MYO3B: variants seen among roughly 807,000 people sequenced by gnomAD.
MYO3B encodes the protein myosin IIIB, also known as myosin-IIIb.
Under a neutral mutation model 174.6 loss-of-function variants are expected in MYO3B, and 156 were observed. The ratio of observed to expected loss-of-function variants is 0.89; its 90% confidence interval spans 0.78 to 1.02. The LOEUF is 1.02. Among genes scored for constraint, MYO3B ranks in the 50% least tolerant of loss-of-function variants. The pLI is 0.00. For missense variants in MYO3B, 1,632 were observed against 1,639.4 expected (o/e 1.00, Z 0.08); for synonymous variants, 563 against 569.1 (o/e 0.99, Z 0.15).
At chr2:170,648,917 AAT>A (rs1293902229) in intron 32 of MYO3B, among the ~76,000 whole-genome samples, 2 of 103,576 alleles carry the variant, frequency 1.9e-5, no homozygotes, top group Non-Finnish European at 3.4e-5. Context: ...AAATATATAT[AAT>A]ATATATAAAA....
At chr2:170,284,881 C>A (rs2093542446) in intron 7 of MYO3B, among the ~76,000 whole-genome samples, 1 of 152,250 alleles carries the variant, frequency 6.6e-6, no homozygotes, top group East Asian at 1.9e-4. Context: ...TTTTAAAAAA[C>A]TTTCATTGCA....
intron 7 of MYO3B, among the ~76,000 whole-genome samples, chr2:170,305,815 T>C (rs1268863422): frequency 6.6e-6 from 1 of 152,168 alleles, no homozygotes; most frequent in Non-Finnish European, 1.5e-5. Context: ...CTCAAACTCC[T>C]GGGCTCAAGT....
At chr2:170,441,231 T>C (rs1448131651) in intron 22 of MYO3B, among the ~76,000 whole-genome samples, 2 of 152,258 alleles carry the variant, frequency 1.3e-5, no homozygotes. Flanking sequence ...ATTTTACTTC[T>C]TCCTTTCTGA....
At chr2:170,627,898 C>T (rs1013984358) in intron 32 of MYO3B, among the ~76,000 whole-genome samples, 2 of 152,052 alleles carry the variant, frequency 1.3e-5, no homozygotes, top group South Asian at 2.1e-4. Flanking sequence ...GCTGTCTGAT[C>T]GTTTTTCTGG....
At chr2:170,478,213 G>T (rs11898386) in intron 25 of MYO3B, among the ~76,000 whole-genome samples, 13,270 of 152,084 alleles carry the variant, frequency 0.087, 970 homozygotes, top group South Asian at 0.19. Context: ...GGGGCACATT[G>T]TCACCCAGTA....
chr2:170,491,314 T>C (rs1389969346), intron 25 of MYO3B, among the ~76,000 whole-genome samples: 1 of 152,216 alleles, frequency 6.6e-6, no homozygotes, highest in Non-Finnish European at 1.5e-5. Context: ...AATTTAGAAG[T>C]CTCTTCATAA....
chr2:170,644,245 G>T (rs1484919498), intron 32 of MYO3B, among the ~76,000 whole-genome samples: 1 of 151,126 alleles, frequency 6.6e-6, no homozygotes, highest in African/African-American at 2.4e-5. Context: ...AAGAATTATT[G>T]GTTGTTTATC....
intron 32 of MYO3B, among the ~76,000 whole-genome samples, chr2:170,614,653 C>T (rs1695331264): frequency 6.6e-6 from 1 of 152,176 alleles, no homozygotes; most frequent in Admixed American, 6.5e-5. Flanking sequence ...ACTGAGATCC[C>T]ATATTTCTGA....
At chr2:170,501,707 G>A (rs1475030164) in intron 27 of MYO3B, 78 bp from the exon 28 acceptor site, 7 of 949,100 alleles carry the variant, frequency 7.4e-6, no homozygotes, top group South Asian at 1.4e-5. Context: ...ATAGGCTGGA[G>A]GGGAAAACAG....
intron 32 of MYO3B, among the ~76,000 whole-genome samples, chr2:170,613,472 A>G (rs1472380131): frequency 6.6e-6 from 1 of 152,228 alleles, no homozygotes; most frequent in Non-Finnish European, 1.5e-5. Context: ...CACTACTGCT[A>G]AAAAGCATAT....
At chr2:170,410,523 G>A (rs1183189061) in intron 22 of MYO3B, among the ~76,000 whole-genome samples, 5 of 151,266 alleles carry the variant, frequency 3.3e-5, no homozygotes, top group African/African-American at 1.2e-4. Flanking sequence ...GGAGGTTGCG[G>A]TGAGCCAAGA....
At position 170,343,030 on chromosome 2, in the gene MYO3B, A is replaced by AACACAC. The variant is rs56221872; in HGVS notation, c.815+7623_815+7628dup. 7.6e-3 allele frequency among the ~76,000 whole-genome samples: 1,029 copies of AACACAC among 135,984 alleles called. 10 individuals are homozygous for AACACAC. Among genetic ancestry groups the AACACAC allele is most frequent in the African/African-American group, 0.011 (402 of 35,792 alleles). The allele number at this position is 135,984 out of a possible 152,430, so 89.2% of individuals were successfully genotyped here. A position where few individuals can be genotyped will look rare whatever the true frequency, so the allele number is the denominator to read the frequency against. On this transcript the variant is annotated intron_variant, in intron 8 of 34. Transcript: ENST00000408978. Reference sequence around the variant, plus strand: ...ACTTACTTCCACAGTTCGGGCCTCTAACACACACACACACACACACACACA... The same window carrying AACACAC: ...ACTTACTTCCACAGTTCGGGCCTCTAACACACACACACACACACACACACACACACA...
chr2:170,601,677 CT>C, intron 32 of MYO3B: 4 of 1,494,584 alleles, frequency 2.7e-6, no homozygotes, highest in East Asian at 2.3e-5. Flanking sequence ...CCTCTTCCTT[CT>C]TTTTCTTGCT....
At chr2:170,320,297 C>T (rs957984179) in intron 7 of MYO3B, among the ~76,000 whole-genome samples, 1 of 152,146 alleles carries the variant, frequency 6.6e-6, no homozygotes, top group African/African-American at 2.4e-5. Flanking sequence ...TCTTCCCACC[C>T]CAGTTCTTCC....
At chr2:170,301,969 C>G (rs1194491999) in intron 7 of MYO3B, among the ~76,000 whole-genome samples, 1 of 145,332 alleles carries the variant, frequency 6.9e-6, no homozygotes, top group East Asian at 2.1e-4. Flanking sequence ...CAAATTAAAG[C>G]CTTATTGGAA....
chr2:170,500,494 G>C (rs894990108), intron 27 of MYO3B, among the ~76,000 whole-genome samples: 1 of 152,204 alleles, frequency 6.6e-6, no homozygotes, highest in Non-Finnish European at 1.5e-5. Flanking sequence ...GATAGGGAGA[G>C]TTCAGAGAAA....
Position 170,290,503 on chromosome 2 carries a change from C to T in MYO3B, c.750-44882C>T, listed in dbSNP as rs1227929313. 2.0e-5 allele frequency among the ~76,000 whole-genome samples: 3 copies of T among 152,062 alleles called. 1 individual carries two copies. Among genetic ancestry groups the T allele is most frequent in the African/African-American group, 4.8e-5 (2 of 41,422 alleles). ...TCTGAAATAAGTATAGCTATTTCTGCTTTCTTTTTAGCTTCCAGCTGCATA... is the reference window on the plus strand; with the variant it reads ...TCTGAAATAAGTATAGCTATTTCTGTTTTCTTTTTAGCTTCCAGCTGCATA... On this transcript the variant is annotated intron_variant, in intron 7 of 34. Transcript: ENST00000408978.
intron 25 of MYO3B, 134 bp from the exon 26 acceptor site, chr2:170,498,458 C>A: frequency 1.7e-6 from 1 of 603,802 alleles, no homozygotes; most frequent in Non-Finnish European, 2.9e-6. Flanking sequence ...TCTTTTACTA[C>A]CTACTATGCT....
At chr2:170,242,132 C>T (rs1462991073) in intron 7 of MYO3B, among the ~76,000 whole-genome samples, 3 of 152,166 alleles carry the variant, frequency 2.0e-5, no homozygotes, top group Admixed American at 1.3e-4. Context: ...TTTCTCTTCA[C>T]CAACCCAGGT....
Sources: allele counts gnomAD v4.1 joint callset (sites outside exome capture counted in the v4.1 genomes callset), GRCh38; gene constraint gnomAD v4.1.1; transcripts MANE v1.5; gene names NCBI Gene and HGNC (gene_info 2026-07-23, HGNC 2026-07-21).